Variants in KIF2A observed in about 807,000 individuals in gnomAD.
KIF2A encodes the protein kinesin family member 2A, also known as kinesin-like protein KIF2A.
In KIF2A, 22 loss-of-function variants were observed where a neutral mutation model predicts 100.2. The ratio of observed to expected loss-of-function variants is 0.22; its 90% confidence interval spans 0.16 to 0.31. The LOEUF (loss-of-function observed/expected upper bound fraction) is 0.31. KIF2A is among the 10% of genes least tolerant of loss of function. KIF2A has a pLI of 1.00. For synonymous variants in KIF2A, 268 were observed against 285.9 expected, an observed-to-expected ratio of 0.94 and a Z score of 0.63; for missense variants, 495 against 898.7, an observed-to-expected ratio of 0.55 and a Z score of 5.74.
chr5:62,307,602 C>G (rs574539406), intron 1 of KIF2A, among the ~76,000 whole-genome samples: 15 of 151,348 alleles, frequency 9.9e-5, no homozygotes, highest in Admixed American at 4.6e-4. Context: ...GAGCAGTGTT[C>G]CTGACTCCAT....
intron 15 of KIF2A, among the ~76,000 whole-genome samples, 175 bp from the exon 16 acceptor site, chr5:62,366,239 G>T (rs1022109520): frequency 5.9e-5 from 9 of 152,040 alleles, no homozygotes; most frequent in Non-Finnish European, 1.0e-4. Flanking sequence ...ATTTTAACTA[G>T]ACTTTATCTG....
intron 1 of KIF2A, chr5:62,308,468 C>A: frequency 1.2e-6 from 1 of 853,240 alleles, no homozygotes; most frequent in Non-Finnish European, 1.9e-6. Flanking sequence ...CAGCATTATT[C>A]ACAGTAGCCA....
chr5:62,368,574 C>G (rs1029963891), intron 16 of KIF2A, among the ~76,000 whole-genome samples: 3 of 151,982 alleles, frequency 2.0e-5, no homozygotes, highest in Admixed American at 2.0e-4. Flanking sequence ...CCCAGAAATT[C>G]GAGACCAGTC....
At chr5:62,306,796 T>C (rs1579987319) in intron 1 of KIF2A, 1 of 453,464 alleles carries the variant, frequency 2.2e-6, no homozygotes. Context: ...GAGGGTCGCG[T>C]CTCCGGGGGT....
At chr5:62,322,590 C>T (rs543462276) in intron 1 of KIF2A, among the ~76,000 whole-genome samples, 5 of 152,248 alleles carry the variant, frequency 3.3e-5, no homozygotes, top group African/African-American at 1.2e-4. Context: ...AAGCATTTGA[C>T]AGCAAATATG....
intron 19 of KIF2A, 34 bp downstream of exon 19, chr5:62,377,796 T>C: frequency 8.9e-7 from 1 of 1,125,942 alleles, no homozygotes; most frequent in South Asian, 1.5e-5. Flanking sequence ...TCAAAATATT[T>C]CTTGAGATAA....
chr5:62,328,841 T>C (rs560801547), intron 1 of KIF2A, among the ~76,000 whole-genome samples: 49 of 152,286 alleles, frequency 3.2e-4, no homozygotes, highest in African/African-American at 1.0e-3. Context: ...ACATTTTTCT[T>C]ATTACTGTTA....
chr5:62,337,812 T>C (rs189034567), intron 1 of KIF2A, among the ~76,000 whole-genome samples: 1 of 149,024 alleles, frequency 6.7e-6, no homozygotes, highest in Admixed American at 6.6e-5. Flanking sequence ...CCCCGAACTC[T>C]TAAAAAAAAA....
At position 62,389,517 on chromosome 5, in the gene KIF2A, G is replaced by A. The variant is rs1301986711; in HGVS notation, c.*3948G>A. On this transcript the variant is annotated 3_prime_UTR_variant, in exon 21 of 21. Transcript: ENST00000407818. ...AAAAAAAAAAGAAATGTTATTGTCTGACTAAATTTATAAGATATGTATTGG... is the reference window on the plus strand; with the variant it reads ...AAAAAAAAAAGAAATGTTATTGTCTAACTAAATTTATAAGATATGTATTGG... Among the ~76,000 whole-genome samples the A allele has an allele frequency of 7.5e-6, 1 of 133,724 alleles. No individual in the cohort carries two copies. The highest frequency in any genetic ancestry group is 1.6e-5 in the Non-Finnish European group (1 of 62,532). 87.7% of individuals were successfully genotyped at this position (133,724 alleles called of 152,430 possible). A position where few individuals can be genotyped will look rare whatever the true frequency, so the allele number is the denominator to read the frequency against.
In KIF2A at chr5:62,387,383, T is replaced by C. The variant is rs1238518215; in HGVS notation, c.*1814T>C. ...CAACTTTCAAAGGGCAATAAAGACA[T>C]GTGAATTTGCTCATTTTAAAGCACA... On this transcript the variant is annotated 3_prime_UTR_variant, in exon 21 of 21. Transcript: ENST00000407818. 6.6e-6 allele frequency: 1 copy of C among 152,162 alleles called. No individual in the cohort carries two copies. The highest frequency in any genetic ancestry group is 1.5e-5 in the Non-Finnish European group (1 of 68,028). The allele number at this position is 152,162 out of a possible 1,614,324, so 9.4% of individuals were successfully genotyped here.
chr5:62,314,471 A>G (rs1246838861), intron 1 of KIF2A, among the ~76,000 whole-genome samples: 1 of 152,068 alleles, frequency 6.6e-6, no homozygotes, highest in East Asian at 1.9e-4. Context: ...CTCAAAACAA[A>G]CAAACAGAGA....
At position 62,389,184 on chromosome 5, in the gene KIF2A, G is replaced by T; in HGVS notation, c.*3615G>T. On this transcript the variant is annotated 3_prime_UTR_variant, in exon 21 of 21. Transcript: ENST00000407818. Reference sequence around the variant, plus strand: ...CAGAGCCCACCCACTCCTAATACTAGTTATTAAAGAAACGTTACTGGCTGG... The same window carrying T: ...CAGAGCCCACCCACTCCTAATACTATTTATTAAAGAAACGTTACTGGCTGG... 1 of 729,280 alleles carries T rather than the reference G, an allele frequency of 1.4e-6. No individual in the cohort carries two copies. Among genetic ancestry groups the T allele is most frequent in the Non-Finnish European group, 2.2e-6 (1 of 456,754 alleles). The allele number at this position is 729,280 out of a possible 1,614,324, so 45.2% of individuals were successfully genotyped here. A position where few individuals can be genotyped will look rare whatever the true frequency, so the allele number is the denominator to read the frequency against.
chr5:62,377,123 T>G (rs1309174779), intron 18 of KIF2A, among the ~76,000 whole-genome samples: 1 of 152,104 alleles, frequency 6.6e-6, no homozygotes, highest in Non-Finnish European at 1.5e-5. Context: ...CCATTGAAAT[T>G]TCTATAAAAA....
In KIF2A at chr5:62,365,251, C is replaced by T. The variant is rs766072398; in HGVS notation, c.1476C>T (p.Ile492=). Reference sequence around the variant, plus strand: ...GTTTTCTTAATTTTCAGGAGTGCATCAGAGCCTTAGGTAGAAATAAACCTC... The same window carrying T: ...GTTTTCTTAATTTTCAGGAGTGCATTAGAGCCTTAGGTAGAAATAAACCTC... ...NKSLLALKEC[I]RALGRNKPHT... The change falls in exon 15 of 21, where the codon ATC becomes ATT. Residue 492 remains isoleucine, a synonymous_variant. Transcript: ENST00000407818. The T allele has an allele frequency of 2.5e-6, 4 of 1,575,102 alleles. No homozygotes were observed. The highest frequency in any genetic ancestry group is 3.5e-6 in the Non-Finnish European group (4 of 1,152,226).
chr5:62,368,986 A>G (rs1183277298), intron 16 of KIF2A, among the ~76,000 whole-genome samples: 8 of 152,174 alleles, frequency 5.3e-5, no homozygotes, highest in African/African-American at 1.9e-4. Context: ...CTTGAGAAAG[A>G]TGAGGAACAG....
Position 62,385,799 on chromosome 5 carries a change from C to T in KIF2A, c.*230C>T, listed in dbSNP as rs1176967868. The T allele has an allele frequency of 2.0e-5, 10 of 496,060 alleles. No individual in the cohort carries two copies. The highest frequency in any genetic ancestry group is 3.2e-5 in the Non-Finnish European group (9 of 277,010). 30.7% of individuals were successfully genotyped at this position (496,060 alleles called of 1,614,324 possible). A position where few individuals can be genotyped will look rare whatever the true frequency, so the allele number is the denominator to read the frequency against. The stretch of plus-strand genomic sequence containing the variant: ...TTAATGAAGCATTTTGTTTCATTTA[C>T]ACAAATAGTGATTTACTTTTGGAGA... On this transcript the variant is annotated 3_prime_UTR_variant, in exon 21 of 21. Transcript: ENST00000407818.
At position 62,376,407 on chromosome 5, in the gene KIF2A, TTTG is replaced by T. The variant is rs548299736; in HGVS notation, c.1912-1251_1912-1249del. On this transcript the variant is annotated intron_variant, in intron 18 of 20. Transcript: ENST00000407818. ...CGCTCTAGAGATCGGAGAAGTTTTTTTTGTTTGTTTGTTTGTTTGTTTGTTTTT... is the reference window on the plus strand; with the variant it reads ...CGCTCTAGAGATCGGAGAAGTTTTTTTTTGTTTGTTTGTTTGTTTGTTTTT... 3.3e-3 allele frequency among the ~76,000 whole-genome samples: 244 copies of T among 74,188 alleles called. 1 individual carries two copies. The highest frequency in any genetic ancestry group is 0.01 in the African/African-American group (224 of 21,498). The allele number at this position is 74,188 out of a possible 152,430, so 48.7% of individuals were successfully genotyped here.
chr5:62,308,324 C>A, intron 1 of KIF2A: 1 of 1,428,418 alleles, frequency 7.0e-7, no homozygotes, highest in South Asian at 1.5e-5. Flanking sequence ...TACGAGTTCA[C>A]AGTATACCAG....
In KIF2A at chr5:62,340,207, G is replaced by A. The variant is rs577166564; in HGVS notation, c.65-6923G>A. On this transcript the variant is annotated intron_variant, in intron 1 of 20. Coordinates refer to ENST00000407818, the MANE Select transcript of KIF2A (RefSeq NM_001098511.3). ...CCACCTCAGCCTCCCAAAGTGCTGG[G>A]ATTGCAGGCGTGAGCCACTGCACCT... Among the ~76,000 whole-genome samples, 493 of 152,258 alleles carry A rather than the reference G, an allele frequency of 3.2e-3. 1 individual carries two copies. Among genetic ancestry groups the A allele is most frequent in the Non-Finnish European group, 5.6e-3 (378 of 68,018 alleles).
Sources: gnomAD v4.1 joint callset for allele counts (sites outside exome capture counted in the v4.1 genomes callset) on GRCh38, gnomAD v4.1.1 for gene constraint, MANE v1.5 for transcripts, NCBI Gene and HGNC (gene_info 2026-07-23, HGNC 2026-07-21) for gene names.